The following MACROD2 variants were observed in gnomAD, a reference collection of about 807,000 sequenced individuals.
The protein encoded by MACROD2 is mono-ADP ribosylhydrolase 2, also known as ADP-ribose glycohydrolase MACROD2.
In MACROD2, 36 loss-of-function variants were observed where a neutral mutation model predicts 70.4. The ratio of observed to expected loss-of-function variants is 0.51; its 90% CI spans 0.39 to 0.68. The LOEUF is 0.68. Ranked by LOEUF, MACROD2 falls within the 30% of genes least tolerant of loss-of-function variation. MACROD2 has a pLI of 0.00. For synonymous variants in MACROD2, 172 were observed against 178.8 expected (o/e 0.96, Z 0.30); for missense variants, 496 against 538.4 (o/e 0.92, Z 0.78).
At chr20:14,708,523 T>G (rs889359194) in intron 5 of MACROD2, among the ~76,000 whole-genome samples, 4 of 152,208 alleles carry the variant, frequency 2.6e-5, no homozygotes, top group Non-Finnish European at 4.4e-5. Flanking sequence ...GTTAGGAGAT[T>G]GACTGTGAGA....
chr20:14,511,671 T>C lies in MACROD2; in HGVS notation c.301+18163T>C, dbSNP rs182869552. On this transcript the variant is annotated intron_variant, in intron 4 of 17. Transcript: ENST00000684519. ...ATTTAAACGCTATGTCTGTTGTGTT[T>C]GGTTTAGGAAAAGACAACCCTAGAA... is the stretch of plus-strand genomic sequence containing the variant. Among the ~76,000 whole-genome samples, 150 of 51,690 alleles carry C rather than the reference T, an allele frequency of 2.9e-3. 5 individuals carry two copies. The East Asian group carries it at 0.073, about 25-fold the overall frequency. The allele number at this position is 51,690 out of a possible 152,430, so 33.9% of individuals were successfully genotyped here.
chr20:14,765,378 AT>A (rs5840632), intron 5 of MACROD2, among the ~76,000 whole-genome samples: 99,801 of 150,732 alleles, frequency 0.66, 33,361 homozygotes, highest in African/African-American at 0.73. Flanking sequence ...TATTCCTGCC[AT>A]TTTTTTTTTC....
chr20:15,830,503 G>A (rs2064043559), intron 8 of MACROD2, among the ~76,000 whole-genome samples: 1 of 152,138 alleles, frequency 6.6e-6, no homozygotes, highest in Non-Finnish European at 1.5e-5. Context: ...AATCCCATAG[G>A]TCAAGTCGTT....
intron 5 of MACROD2, among the ~76,000 whole-genome samples, chr20:14,691,676 G>A (rs182192109): frequency 1.3e-5 from 2 of 152,198 alleles, no homozygotes; most frequent in African/African-American, 4.8e-5. Flanking sequence ...TTTGCAAAGG[G>A]TGACCTGATT....
At chr20:14,111,709 A>G (rs1387852603) in intron 3 of MACROD2, among the ~76,000 whole-genome samples, 1 of 152,076 alleles carries the variant, frequency 6.6e-6, no homozygotes, top group East Asian at 1.9e-4. Flanking sequence ...ACAGGCAGTA[A>G]CAAATGCTGG....
intron 5 of MACROD2, among the ~76,000 whole-genome samples, chr20:14,961,669 G>A (rs1303965197): frequency 1.3e-5 from 2 of 151,658 alleles, no homozygotes; most frequent in East Asian, 1.9e-4. Flanking sequence ...ATCCCACTTC[G>A]GCCTCCCAAA....
At chr20:15,139,445 A>G (rs1407555687) in intron 5 of MACROD2, among the ~76,000 whole-genome samples, 1 of 152,150 alleles carries the variant, frequency 6.6e-6, no homozygotes, top group African/African-American at 2.4e-5. Flanking sequence ...TAAATACCGC[A>G]GTGTGGTAGA....
intron 3 of MACROD2, among the ~76,000 whole-genome samples, chr20:14,407,125 A>AG (rs2083698805): frequency 1.3e-5 from 2 of 150,910 alleles, no homozygotes; most frequent in Admixed American, 1.3e-4. Flanking sequence ...GCAATGAAAA[A>AG]AAAAACATGG....
intron 17 of MACROD2, among the ~76,000 whole-genome samples, chr20:16,048,532 C>G (rs1601381156): frequency 6.6e-6 from 1 of 151,972 alleles, no homozygotes; most frequent in Non-Finnish European, 1.5e-5. Flanking sequence ...TTGATTGATA[C>G]CCACCAAGCA....
intron 5 of MACROD2, among the ~76,000 whole-genome samples, chr20:14,919,327 C>T (rs760679958): frequency 2.6e-5 from 4 of 152,166 alleles, no homozygotes; most frequent in African/African-American, 9.7e-5. Flanking sequence ...TTTGGGATAG[C>T]TTATGATTGA....
At chr20:14,875,353 C>G (rs1354895453) in intron 5 of MACROD2, among the ~76,000 whole-genome samples, 2 of 151,964 alleles carry the variant, frequency 1.3e-5, no homozygotes, top group Non-Finnish European at 2.9e-5. Context: ...TGCACTCCAG[C>G]CTTCTAGTCT....
At chr20:14,221,640 T>A (rs548501312) in intron 3 of MACROD2, among the ~76,000 whole-genome samples, 16 of 152,334 alleles carry the variant, frequency 1.1e-4, no homozygotes, top group Admixed American at 9.1e-4. Flanking sequence ...AAATGAGCTT[T>A]AAGTAAACTA....
intron 8 of MACROD2, among the ~76,000 whole-genome samples, chr20:15,526,051 A>T (rs1451751036): frequency 6.6e-6 from 1 of 152,250 alleles, no homozygotes; most frequent in African/African-American, 2.4e-5. Context: ...GTTTTCAAAA[A>T]GAGAAAATAG....
chr20:14,918,934 C>G (rs946784994), intron 5 of MACROD2, among the ~76,000 whole-genome samples: 1 of 152,122 alleles, frequency 6.6e-6, no homozygotes, highest in African/African-American at 2.4e-5. Context: ...ATTTCATCAA[C>G]TACTCTCTCC....
chr20:14,504,361 T>C (rs1374953201), intron 4 of MACROD2, among the ~76,000 whole-genome samples: 1 of 152,190 alleles, frequency 6.6e-6, no homozygotes, highest in Non-Finnish European at 1.5e-5. Context: ...GATCAAAAGC[T>C]CAGTGAGGTT....
chr20:15,952,481 C>A (rs1374197234), intron 12 of MACROD2, among the ~76,000 whole-genome samples: 1 of 152,034 alleles, frequency 6.6e-6, no homozygotes, highest in African/African-American at 2.4e-5. Context: ...TACCAGAATC[C>A]TAGTGTAGAC....
chr20:14,980,923 G>A (rs1465191815), intron 5 of MACROD2, among the ~76,000 whole-genome samples: 1 of 152,020 alleles, frequency 6.6e-6, no homozygotes, highest in Non-Finnish European at 1.5e-5. Flanking sequence ...CTCTCTTCCA[G>A]GCTAGGGCAG....
intron 5 of MACROD2, among the ~76,000 whole-genome samples, chr20:14,705,899 C>T (rs2071263543): frequency 6.6e-6 from 1 of 151,848 alleles, no homozygotes; most frequent in South Asian, 2.1e-4. Context: ...CTTCCTCTCT[C>T]TCTTTTTCTT....
At chr20:16,046,675 CTTTTTTT>C in intron 17 of MACROD2, among the ~76,000 whole-genome samples, 1 of 85,500 alleles carries the variant, frequency 1.2e-5, no homozygotes, top group South Asian at 3.9e-4. Flanking sequence ...GGTGTCAAAA[CTTTTTTT>C]TTTTTTTTTT....
Sources: allele counts gnomAD v4.1 joint callset (sites outside exome capture counted in the v4.1 genomes callset), GRCh38; gene constraint gnomAD v4.1.1; transcripts MANE v1.5; gene names NCBI Gene and HGNC (gene_info 2026-07-23, HGNC 2026-07-21).